PUS1: variants seen among roughly 807,000 people sequenced by gnomAD.
PUS1 encodes the protein pseudouridylate synthase 1 homolog.
In PUS1, 25 loss-of-function variants were observed where a neutral mutation model predicts 38.5. That is an observed-to-expected ratio of 0.65 (90% CI 0.47 to 0.91). The LOEUF is 0.91. Ranked by LOEUF, PUS1 falls within the 40% of genes least tolerant of loss-of-function variation. PUS1 has a pLI of 0.00. For synonymous variants in PUS1, 282 were observed against 260.4 expected (o/e 1.08, Z -0.80); for missense variants, 597 against 612.3 (o/e 0.97, Z 0.26).
At chr12:131,943,503 C>A (rs1375181060) in intron 5 of PUS1, 36 bp from the exon 6 acceptor site, 1 of 1,589,470 alleles carries the variant, frequency 6.3e-7, no homozygotes, top group Admixed American at 1.7e-5. Flanking sequence ...GGAGAGAGTG[C>A]TTGCCTCTTA....
intron 3 of PUS1, 54 bp downstream of exon 3, chr12:131,932,366 C>T (rs1664305425): frequency 5.6e-6 from 9 of 1,597,632 alleles, no homozygotes; most frequent in Non-Finnish European, 7.7e-6. Context: ...GCACGTGGCC[C>T]ACTTTCCAGC....
chr12:131,939,430 C>T (rs1418200836), intron 4 of PUS1, among the ~76,000 whole-genome samples, 155 bp downstream of exon 4: 2 of 152,170 alleles, frequency 1.3e-5, no homozygotes, highest in East Asian at 3.8e-4. Flanking sequence ...AAACGGGAGC[C>T]ACTAGACAGG....
chr12:131,941,337 A>G lies in PUS1; in HGVS notation c.590A>G (p.Asp197Gly). The G allele has an allele frequency of 6.2e-7, 1 of 1,614,198 alleles. No homozygotes were observed. Among genetic ancestry groups the G allele is most frequent in the Non-Finnish European group, 8.5e-7 (1 of 1,180,046 alleles). Reference sequence around the variant, plus strand: ...GGGTTTAACTCCAAGAACAGATGTGATGCCAGGACCTATTGCTACCTGCTG... The same window carrying G: ...GGGTTTAACTCCAAGAACAGATGTGGTGCCAGGACCTATTGCTACCTGCTG... ...TGGFNSKNRC[D>G]ARTYCYLLPT... is the part of the protein sequence containing the mutation. Residue 197 changes from aspartate to glycine, a missense_variant, in exon 5 of 6, where the codon GAT (aspartate) becomes GGT (glycine). Asp to Gly is a moderately conservative substitution (Grantham distance 94). Transcript: ENST00000376649. This position sits in a 1 kb window ranked among gnomAD's most constrained non-coding sequence, Gnocchi z 4.4.
rs1891089985 is a variant in PUS1, at chr12:131,941,859, A to G, written c.1112A>G (p.Glu371Gly). Residue 371 changes from glutamate to glycine, a missense_variant, in exon 5 of 6, where the codon GAG becomes GGG. Physicochemically the swap from Glu to Gly is moderately conservative, Grantham distance 98 (BLOSUM62 -2). Transcript: ENST00000376649. This position sits in a 1 kb window ranked among gnomAD's most constrained non-coding sequence, Gnocchi z 4.4. Reference protein sequence around the residue: ...EEGKVAAFKEEHIYPTIIGTE... With the variant: ...EEGKVAAFKEGHIYPTIIGTE... ...GGAAAGGTCGCAGCCTTCAAGGAGGAGCACATCTACCCCACCATCATCGGC... is the reference window on the plus strand; with the variant it reads ...GGAAAGGTCGCAGCCTTCAAGGAGGGGCACATCTACCCCACCATCATCGGC... 6.2e-7 allele frequency: 1 copy of G among 1,613,822 alleles called. No individual in the cohort carries two copies. The highest frequency in any genetic ancestry group is 8.5e-7 in the Non-Finnish European group (1 of 1,180,030).
intron 4 of PUS1, among the ~76,000 whole-genome samples, chr12:131,939,651 A>G (rs2136441306): frequency 6.6e-6 from 1 of 152,216 alleles, no homozygotes; most frequent in East Asian, 1.9e-4. Flanking sequence ...ACATTCGTTC[A>G]TTCATTTATT....
At chr12:131,933,912 CTATT>C (rs1320726646) in intron 3 of PUS1, among the ~76,000 whole-genome samples, 18 of 152,332 alleles carry the variant, frequency 1.2e-4, no homozygotes, top group African/African-American at 4.1e-4. Flanking sequence ...GGACGCACTG[CTATT>C]TATTGTATAC....
chr12:131,939,554 C>T (rs1177549698), intron 4 of PUS1, among the ~76,000 whole-genome samples: 4 of 152,192 alleles, frequency 2.6e-5, no homozygotes, highest in Admixed American at 6.5e-5. Context: ...TTCCCTCTTA[C>T]GGCAGGACTG....
chr12:131,933,940 A>G (rs528867874), intron 3 of PUS1, among the ~76,000 whole-genome samples: 1 of 152,366 alleles, frequency 6.6e-6, no homozygotes, highest in East Asian at 1.9e-4. Context: ...GCAAGGGGAC[A>G]GGGTAAGGAG....
In PUS1 at chr12:131,929,929, GCGGAGCCGCCGCCCGC is replaced by G; in HGVS notation, c.107_122del (p.Pro36HisfsTer94). On this transcript the variant is annotated frameshift_variant, in exon 2 of 6. Coordinates refer to ENST00000376649, the MANE Select transcript of PUS1 (RefSeq NM_025215.6). LOFTEE classifies it high-confidence loss of function. ...CAGCTCGCCGCGCATGGCCGGGAAC[GCGGAGCCGCCGCCCGC>G]CGGAGCCGCATGCCCCCAGGACCGG... 1.4e-6 allele frequency: 2 copies of G among 1,459,042 alleles called. No individual in the cohort carries two copies. The highest frequency in any genetic ancestry group is 1.8e-6 in the Non-Finnish European group (2 of 1,109,690). The allele number at this position is 1,459,042 out of a possible 1,614,324, so 90.4% of individuals were successfully genotyped here.
At chr12:131,938,716 CTTTT>C (rs11289903) in intron 3 of PUS1, among the ~76,000 whole-genome samples, 2 of 117,998 alleles carry the variant, frequency 1.7e-5, no homozygotes, top group East Asian at 2.4e-4. Flanking sequence ...ATTTTCATAT[CTTTT>C]TTTTTTTTTT....
At chr12:131,936,563 C>CA (rs1169949345) in intron 3 of PUS1, among the ~76,000 whole-genome samples, 4 of 139,528 alleles carry the variant, frequency 2.9e-5, no homozygotes, top group East Asian at 3.9e-4. Context: ...AACTCCGTCT[C>CA]AAAAAACAAA....
chr12:131,942,036 C>T (rs1264250938), intron 5 of PUS1, 53 bp downstream of exon 5: 1 of 1,486,312 alleles, frequency 6.7e-7, no homozygotes, highest in Non-Finnish European at 9.2e-7. Context: ...ACATTGTTCC[C>T]ATTGTACAGA....
chr12:131,942,467 C>T (rs144507935), intron 5 of PUS1, among the ~76,000 whole-genome samples: 2,527 of 152,018 alleles, frequency 0.017, 68 homozygotes, highest in African/African-American at 0.058. Flanking sequence ...AGTGCAGTGG[C>T]GCGATCTCGG....
At chr12:131,936,142 C>T (rs1456157183) in intron 3 of PUS1, among the ~76,000 whole-genome samples, 2 of 147,484 alleles carry the variant, frequency 1.4e-5, no homozygotes, top group African/African-American at 2.5e-5. Flanking sequence ...ACCTGGGAGG[C>T]GGAGGTTGAA....
At position 131,941,482 on chromosome 12, in the gene PUS1, C is replaced by G. The variant is rs761639218; in HGVS notation, c.735C>G (p.Phe245Leu). 2.5e-6 allele frequency: 4 copies of G among 1,613,538 alleles called. No individual in the cohort carries two copies. In the South Asian group the frequency reaches 4.4e-5, roughly 18 times the overall value. The change falls in exon 5 of 6, where the codon TTC becomes TTG. Residue 245 changes from phenylalanine (F) to leucine (L), a missense_variant. By Grantham distance (22) the Phe-to-Leu change is conservative (BLOSUM62 0). Coordinates refer to ENST00000376649, the MANE Select transcript of PUS1 (RefSeq NM_025215.6). The surrounding 1 kb of genome is among the most constrained non-coding windows in gnomAD (Gnocchi z 4.4). Reference protein sequence around the residue: ...LLACYKGTHNFHNFTSQKGPQ... With the variant: ...LLACYKGTHNLHNFTSQKGPQ... ...CCTGCTACAAGGGCACGCACAACTT[C>G]CACAATTTCACCTCGCAGAAGGGGC...
intron 5 of PUS1, among the ~76,000 whole-genome samples, chr12:131,943,327 G>A (rs1891170045): frequency 6.6e-6 from 1 of 152,226 alleles, no homozygotes. Flanking sequence ...GCCCAACAAA[G>A]GCCCCTCTAG....
intron 5 of PUS1, among the ~76,000 whole-genome samples, chr12:131,943,257 T>C (rs1471750278): frequency 6.6e-6 from 1 of 152,216 alleles, no homozygotes; most frequent in Non-Finnish European, 1.5e-5. Flanking sequence ...TTGTTGAGTT[T>C]CCAAATGGCC....
intron 5 of PUS1, among the ~76,000 whole-genome samples, chr12:131,942,625 CT>C (rs757037089): frequency 6.6e-6 from 1 of 152,284 alleles, no homozygotes; most frequent in Non-Finnish European, 1.5e-5. Flanking sequence ...CCAGGATGGT[CT>C]TGATCTCCTG....
At chr12:131,933,359 A>G (rs988063190) in intron 3 of PUS1, among the ~76,000 whole-genome samples, 1 of 152,180 alleles carries the variant, frequency 6.6e-6, no homozygotes, top group Non-Finnish European at 1.5e-5. Flanking sequence ...TCACTGTATT[A>G]TAAACTGAGT....
Sources: allele counts gnomAD v4.1 joint callset (sites outside exome capture counted in the v4.1 genomes callset), GRCh38; gene constraint gnomAD v4.1.1; non-coding constraint Gnocchi (gnomAD v3.1); transcripts MANE v1.5; gene names NCBI Gene and HGNC (gene_info 2026-07-23, HGNC 2026-07-21).